Variants in SPIDR observed in about 807,000 individuals in gnomAD.
The protein encoded by SPIDR is DNA repair-scaffolding protein.
In SPIDR, 93 loss-of-function variants were observed where a neutral mutation model predicts 104.6. The observed-to-expected ratio is 0.89, with a 90% CI of 0.75 to 1.06. The LOEUF (loss-of-function observed/expected upper bound fraction) is 1.06, where lower values mean the gene tolerates loss of function less well. SPIDR is among the 50% of genes least tolerant of loss of function. The pLI is 0.00. For synonymous variants in SPIDR, 431 were observed against 416.9 expected, an observed-to-expected ratio of 1.03 and a Z score of -0.41; for missense variants, 1,154 against 1,111.2, an observed-to-expected ratio of 1.04 and a Z score of -0.55.
At chr8:47,592,453 GTCCC>G (rs1462049463) in intron 8 of SPIDR, 1 of 1,448,474 alleles carries the variant, frequency 6.9e-7, no homozygotes, top group African/African-American at 1.4e-5. Context: ...AAGTTTAAAA[GTCCC>G]TCCCTCAAAG....
At chr8:47,673,085 G>A (rs1370440208) in intron 10 of SPIDR, among the ~76,000 whole-genome samples, 1 of 152,184 alleles carries the variant, frequency 6.6e-6, no homozygotes, top group Non-Finnish European at 1.5e-5. Flanking sequence ...CAGGCTCCGT[G>A]AAATGTTTTC....
At chr8:47,705,581 CA>C (rs1449479157) in intron 14 of SPIDR, among the ~76,000 whole-genome samples, 4 of 152,160 alleles carry the variant, frequency 2.6e-5, no homozygotes, top group Non-Finnish European at 5.9e-5. Flanking sequence ...AGAATGGCAC[CA>C]TGAGTCATTG....
chr8:47,465,378 A>C (rs183011851), intron 8 of SPIDR, among the ~76,000 whole-genome samples: 1 of 152,204 alleles, frequency 6.6e-6, no homozygotes, highest in African/African-American at 2.4e-5. Context: ...CGAACCTTGA[A>C]TGGAAATAGG....
At chr8:47,724,662 C>T (rs2083935585) in intron 16 of SPIDR, among the ~76,000 whole-genome samples, 1 of 152,188 alleles carries the variant, frequency 6.6e-6, no homozygotes, top group Admixed American at 6.5e-5. Context: ...GAGTACTGAA[C>T]ATTTTCTCTG....
intron 8 of SPIDR, among the ~76,000 whole-genome samples, chr8:47,454,802 G>T (rs2072629847): frequency 6.6e-6 from 1 of 151,944 alleles, no homozygotes; most frequent in African/African-American, 2.4e-5. Flanking sequence ...GGAACTTGAG[G>T]CTACAGTGTG....
chr8:47,458,226 GT>G (rs2073326494), intron 8 of SPIDR, among the ~76,000 whole-genome samples: 1 of 151,954 alleles, frequency 6.6e-6, no homozygotes, highest in Non-Finnish European at 1.5e-5. Flanking sequence ...CATGGGATGT[GT>G]TTACATTTGT....
intron 8 of SPIDR, among the ~76,000 whole-genome samples, chr8:47,470,351 C>G (rs11775628): frequency 6.6e-6 from 1 of 152,006 alleles, no homozygotes; most frequent in South Asian, 2.1e-4. Flanking sequence ...TGCAGCGACA[C>G]GATCTCGGCT....
chr8:47,495,513 A>G (rs1015589176), intron 8 of SPIDR, among the ~76,000 whole-genome samples: 2 of 152,174 alleles, frequency 1.3e-5, no homozygotes, highest in Non-Finnish European at 2.9e-5. Context: ...CCCCGAATAG[A>G]AACCCTGTAC....
At chr8:47,725,668 G>T (rs1357211478) in intron 16 of SPIDR, among the ~76,000 whole-genome samples, 1 of 152,172 alleles carries the variant, frequency 6.6e-6, no homozygotes, top group African/African-American at 2.4e-5. Context: ...GGAATTACAG[G>T]CATGAGCCAC....
intron 11 of SPIDR, among the ~76,000 whole-genome samples, chr8:47,698,693 A>G (rs977148771): frequency 4.6e-5 from 7 of 152,246 alleles, no homozygotes; most frequent in African/African-American, 1.2e-4. Context: ...CAGAATTCCA[A>G]GGGAACGCTA....
chr8:47,424,865 GGATTA>G (rs1554683589), intron 7 of SPIDR, among the ~76,000 whole-genome samples: 1 of 152,074 alleles, frequency 6.6e-6, no homozygotes, highest in African/African-American at 2.4e-5. Context: ...GAGTATGCTG[GGATTA>G]CAGGCGCCTG....
intron 5 of SPIDR, among the ~76,000 whole-genome samples, chr8:47,332,701 G>A (rs2048974919): frequency 3.6e-5 from 1 of 27,440 alleles, no homozygotes; most frequent in Non-Finnish European, 6.2e-5. Context: ...TCTAAATGGT[G>A]TGAGATGATA....
chr8:47,618,822 A>T (rs2064721181), intron 10 of SPIDR, among the ~76,000 whole-genome samples: 1 of 152,236 alleles, frequency 6.6e-6, no homozygotes. Context: ...CTATGCTGTC[A>T]TCTAAAATTA....
intron 8 of SPIDR, among the ~76,000 whole-genome samples, chr8:47,529,040 A>T (rs2085485315): frequency 1.3e-5 from 2 of 152,252 alleles, no homozygotes; most frequent in African/African-American, 4.8e-5. Context: ...TGGCAGAAAC[A>T]TACCACCTAT....
At chr8:47,668,683 A>T (rs2075345337) in intron 10 of SPIDR, among the ~76,000 whole-genome samples, 1 of 152,212 alleles carries the variant, frequency 6.6e-6, no homozygotes, top group Non-Finnish European at 1.5e-5. Context: ...GGCAGCCATA[A>T]AAGAAAATAA....
chr8:47,680,136 A>G (rs988482343), intron 11 of SPIDR, among the ~76,000 whole-genome samples: 2 of 152,192 alleles, frequency 1.3e-5, no homozygotes, highest in Admixed American at 1.3e-4. Context: ...AATTTAAGGG[A>G]AAGTGAACAT....
intron 8 of SPIDR, among the ~76,000 whole-genome samples, chr8:47,513,545 G>T (rs2082680967): frequency 6.6e-6 from 1 of 152,296 alleles, no homozygotes; most frequent in African/African-American, 2.4e-5. Context: ...AAATCTGTTT[G>T]AATACTTCCT....
intron 8 of SPIDR, among the ~76,000 whole-genome samples, chr8:47,521,430 AT>A (rs967084468): frequency 1.4e-5 from 2 of 144,968 alleles, no homozygotes; most frequent in East Asian, 2.1e-4. Flanking sequence ...TTTTGTTGTG[AT>A]TTTTTTTTCT....
chr8:47,279,743 A>T, intron 1 of SPIDR, 119 bp from the exon 2 acceptor site: 1 of 989,786 alleles, frequency 1.0e-6, no homozygotes, highest in Non-Finnish European at 1.5e-6. Context: ...TTCAAAAACT[A>T]TACCTTTACT....
Sources: allele counts gnomAD v4.1 joint callset (sites outside exome capture counted in the v4.1 genomes callset), GRCh38; gene constraint gnomAD v4.1.1; transcripts MANE v1.5; gene names NCBI Gene and HGNC (gene_info 2026-07-23, HGNC 2026-07-21).